Variants in MDGA2 observed in about 807,000 individuals in gnomAD.
MDGA2 encodes the protein MAM domain-containing glycosylphosphatidylinositol anchor protein 2.
Under a neutral mutation model 117.8 loss-of-function variants are expected in MDGA2, and 40 were observed. The ratio of observed to expected loss-of-function variants is 0.34; its 90% confidence interval spans 0.26 to 0.44. MDGA2 has a LOEUF of 0.44. MDGA2 is among the 20% of genes least tolerant of loss of function. The pLI is 1.00. For synonymous variants in MDGA2, 452 were observed against 439.0 expected (o/e 1.03, Z -0.37); for missense variants, 1,123 against 1,250.6 (o/e 0.90, Z 1.54).
intron 8 of MDGA2, among the ~76,000 whole-genome samples, chr14:47,025,377 T>C (rs1489402096): frequency 1.3e-5 from 2 of 152,170 alleles, no homozygotes; most frequent in East Asian, 3.9e-4. Flanking sequence ...GTGCAGTGGC[T>C]CTTGTAACTG....
chr14:46,950,805 A>C (rs1296021332), intron 9 of MDGA2, among the ~76,000 whole-genome samples: 1 of 151,890 alleles, frequency 6.6e-6, no homozygotes, highest in African/African-American at 2.4e-5. Flanking sequence ...CAATAAATAA[A>C]TAAATAAGTA....
At chr14:46,960,801 C>G (rs1401395403) in intron 8 of MDGA2, among the ~76,000 whole-genome samples, 1 of 142,000 alleles carries the variant, frequency 7.0e-6, no homozygotes. Context: ...TAGAATTATA[C>G]ATATGTATAC....
chr14:47,321,194 T>C (rs576399670), intron 1 of MDGA2, among the ~76,000 whole-genome samples: 1 of 152,300 alleles, frequency 6.6e-6, no homozygotes, highest in Non-Finnish European at 1.5e-5. Context: ...CAAAAGTGAC[T>C]CTGTACTCAG....
chr14:47,214,194 G>A (rs991282019), intron 3 of MDGA2, among the ~76,000 whole-genome samples: 3 of 152,018 alleles, frequency 2.0e-5, no homozygotes, highest in Admixed American at 2.0e-4. Flanking sequence ...GGGAAACTAT[G>A]TTCAGCCACT....
In MDGA2 at chr14:46,845,206, A is replaced by C. The variant is rs1035064552; in HGVS notation, c.2989+560T>G. Among the ~76,000 whole-genome samples, 5 of 152,302 alleles carry C rather than the reference A, an allele frequency of 3.3e-5. No homozygotes were observed. In the South Asian group the frequency reaches 1.0e-3, roughly 32 times the overall value. ...CCGATCTGATGATTTTATAAGGGGC[A>C]CTTCCCCCTTCTCTCAGCAATTCTC... On this transcript the variant is annotated intron_variant, in intron 16 of 16. Coordinates refer to ENST00000399232, the MANE Select transcript of MDGA2 (RefSeq NM_001113498.3).
intron 1 of MDGA2, among the ~76,000 whole-genome samples, chr14:47,387,725 G>A (rs947773411): frequency 5.3e-5 from 8 of 152,090 alleles, no homozygotes; most frequent in Non-Finnish European, 1.0e-4. Flanking sequence ...ATATCCATGT[G>A]TCAGGATAAA....
chr14:47,002,689 G>A (rs189142014), intron 8 of MDGA2, among the ~76,000 whole-genome samples: 85 of 151,622 alleles, frequency 5.6e-4, no homozygotes, highest in Non-Finnish European at 9.0e-4. Flanking sequence ...AGATTACACC[G>A]TTGCACTCCA....
intron 1 of MDGA2, among the ~76,000 whole-genome samples, chr14:47,314,404 C>A (rs1022959941): frequency 6.6e-6 from 1 of 152,110 alleles, no homozygotes; most frequent in South Asian, 2.1e-4. Context: ...ATTTTTCAGG[C>A]ACAGTGGCTC....
intron 1 of MDGA2, among the ~76,000 whole-genome samples, chr14:47,486,113 G>A (rs1894055152): frequency 6.6e-6 from 1 of 152,176 alleles, no homozygotes; most frequent in African/African-American, 2.4e-5. Context: ...GACACTCAAT[G>A]GCGGTCTGTG....
intron 10 of MDGA2, among the ~76,000 whole-genome samples, chr14:46,897,621 T>A (rs888974554): frequency 2.1e-5 from 2 of 94,196 alleles, no homozygotes; most frequent in African/African-American, 6.6e-5. Flanking sequence ...AAAGAATTAA[T>A]ATATATAAAG....
In MDGA2 at chr14:47,674,750, C is replaced by T. The variant is rs547222938; in HGVS notation, c.47G>A (p.Arg16His). Residue 16 changes from arginine (R) to histidine (H), a missense_variant, in exon 1 of 17, where the codon CGC (arginine) becomes CAC (histidine). By Grantham distance (29) the Arg-to-His change is conservative. Around this residue, in one of 2 missense-constraint regions of MDGA2, gnomAD observed 233 missense variants for 200.3 expected, o/e 1.16. Coordinates refer to ENST00000399232, the MANE Select transcript of MDGA2 (RefSeq NM_001113498.3). ...GCGCCGTCCGTCTGTCCTTCCCCGGCGGCGGCGGCGAGCGGAGCGCAGGAG... is the reference window on the plus strand; with the variant it reads ...GCGCCGTCCGTCTGTCCTTCCCCGGTGGCGGCGGCGAGCGGAGCGCAGGAG... ...AGLLRSARRR[R>H]RGRTDGRRFL... is the part of the protein sequence containing the mutation. 8.3e-6 allele frequency: 6 copies of T among 726,638 alleles called. No individual in the cohort carries two copies. In the East Asian group the frequency reaches 1.1e-4, roughly 13 times the overall value. 45.0% of individuals were successfully genotyped at this position (726,638 alleles called of 1,614,324 possible).
chr14:47,035,296 T>G lies in MDGA2; in HGVS notation c.1534A>C (p.Asn512His). 6.2e-7 allele frequency: 1 copy of G among 1,608,416 alleles called. No homozygotes were observed. The highest frequency in any genetic ancestry group is 8.5e-7 in the Non-Finnish European group (1 of 1,177,050). ...VNISSSTVPP[N>H]LTVPQEKSPL... ...GATTTTTCCTGTGGAACAGTCAGAT[T>G]GGGTGGAACTTGAAATGGGAAAAAG... The change falls in exon 8 of 17, where the codon AAT becomes CAT. Residue 512 changes from asparagine to histidine, a missense_variant. Coordinates refer to ENST00000399232, the MANE Select transcript of MDGA2 (RefSeq NM_001113498.3).
intron 4 of MDGA2, among the ~76,000 whole-genome samples, chr14:47,136,664 C>T (rs1463677565): frequency 6.6e-6 from 1 of 152,092 alleles, no homozygotes; most frequent in African/African-American, 2.4e-5. Context: ...TACATTATGT[C>T]TATGTATTGA....
chr14:47,315,743 G>C (rs956587258), intron 1 of MDGA2, among the ~76,000 whole-genome samples: 1 of 151,998 alleles, frequency 6.6e-6, no homozygotes, highest in African/African-American at 2.4e-5. Context: ...GTGGCCCACT[G>C]TCCTAAGGAT....
intron 1 of MDGA2, among the ~76,000 whole-genome samples, chr14:47,549,843 C>CT (rs1352603296): frequency 6.6e-6 from 1 of 152,108 alleles, no homozygotes; most frequent in Non-Finnish European, 1.5e-5. Context: ...GTCTATAAGC[C>CT]AAGAAGAGAG....
At chr14:47,320,337 G>A (rs761918868) in intron 1 of MDGA2, among the ~76,000 whole-genome samples, 2 of 152,038 alleles carry the variant, frequency 1.3e-5, no homozygotes, top group Non-Finnish European at 2.9e-5. Context: ...AGCTACGATC[G>A]TGCCACTGCA....
intron 1 of MDGA2, among the ~76,000 whole-genome samples, chr14:47,431,077 G>T (rs1033022957): frequency 6.6e-6 from 1 of 151,950 alleles, no homozygotes; most frequent in Non-Finnish European, 1.5e-5. Flanking sequence ...GGTTAGCCCT[G>T]ACCATGTCAT....
At chr14:47,002,515 G>A (rs917951741) in intron 8 of MDGA2, among the ~76,000 whole-genome samples, 1 of 151,942 alleles carries the variant, frequency 6.6e-6, no homozygotes, top group Non-Finnish European at 1.5e-5. Context: ...ATCACCTGAG[G>A]TCAGGAGTTC....
At chr14:47,234,360 G>A (rs770690858) in intron 2 of MDGA2, among the ~76,000 whole-genome samples, 55 of 151,718 alleles carry the variant, frequency 3.6e-4, no homozygotes, top group Non-Finnish European at 7.5e-4. Flanking sequence ...TATAGACACC[G>A]TTTATCAATT....
Sources: allele counts gnomAD v4.1 joint callset (sites outside exome capture counted in the v4.1 genomes callset), GRCh38; gene constraint gnomAD v4.1.1; regional missense constraint gnomAD v4.1.1; transcripts MANE v1.5; gene names NCBI Gene and HGNC (gene_info 2026-07-23, HGNC 2026-07-21).